ST7: variants seen among roughly 807,000 people sequenced by gnomAD.
ST7 encodes suppressor of tumorigenicity 7 protein.
A neutral mutation model predicts 78.7 loss-of-function variants in ST7; 28 were observed. That is an observed-to-expected ratio of 0.36 (90% confidence interval 0.26 to 0.49). The LOEUF is 0.49. Ranked by LOEUF, ST7 falls within the 20% of genes least tolerant of loss-of-function variation. The pLI is 0.99. For missense variants in ST7, 418 were observed against 696.0 expected (o/e 0.60, Z 4.49); for synonymous variants, 247 against 249.6 (o/e 0.99, Z 0.10).
At chr7:117,208,905 GT>G (rs1563170003) in intron 12 of ST7, among the ~76,000 whole-genome samples, 919 of 15,402 alleles carry the variant, frequency 0.06, 14 homozygotes, top group South Asian at 0.26. Context: ...ATGTGTGGGT[GT>G]GTGTGTGTGT....
chr7:116,995,095 C>T (rs1336662795), intron 1 of ST7, among the ~76,000 whole-genome samples: 1 of 152,174 alleles, frequency 6.6e-6, no homozygotes, highest in Non-Finnish European at 1.5e-5. Flanking sequence ...GCCCTTTCTA[C>T]ACCTTTATTA....
intron 1 of ST7, chr7:116,959,011 A>G (rs940617473): frequency 8.5e-6 from 3 of 354,220 alleles, no homozygotes; most frequent in African/African-American, 6.5e-5. Flanking sequence ...TTCCAGAGAA[A>G]GATTTCTCTG....
chr7:117,136,019 C>T (rs1804763070), intron 7 of ST7, 62 bp from the exon 8 acceptor site: 1 of 1,571,300 alleles, frequency 6.4e-7, no homozygotes, highest in African/African-American at 1.4e-5. Flanking sequence ...GCATGAGCTC[C>T]TACAGTCTAT....
intron 2 of ST7, among the ~76,000 whole-genome samples, chr7:117,114,640 G>A (rs896588000): frequency 1.6e-4 from 24 of 152,098 alleles, no homozygotes; most frequent in African/African-American, 5.8e-4. Flanking sequence ...TAATGGTGTT[G>A]GTGTGGAATT....
chr7:117,089,341 G>T (rs1311407200), intron 1 of ST7, among the ~76,000 whole-genome samples: 1 of 152,224 alleles, frequency 6.6e-6, no homozygotes, highest in Non-Finnish European at 1.5e-5. Flanking sequence ...GCCAAAGCTG[G>T]TCATGCGCCT....
intron 1 of ST7, among the ~76,000 whole-genome samples, chr7:117,037,783 G>C (rs1445631036): frequency 6.6e-6 from 1 of 152,118 alleles, no homozygotes; most frequent in Admixed American, 6.5e-5. Flanking sequence ...CTGACATTAT[G>C]GTTTAGCTCA....
rs1319820797 is a variant in ST7, at chr7:117,101,726, T to G, written c.234+1882T>G. Reference sequence around the variant, plus strand: ...TTAGAAGTAGAGTCCTTAGCATTTTTGGGTCTAATTATATTAAGCAGCCAA... The same window carrying G: ...TTAGAAGTAGAGTCCTTAGCATTTTGGGGTCTAATTATATTAAGCAGCCAA... On this transcript the variant is annotated intron_variant, in intron 2 of 15. Transcript: ENST00000323984. 3.3e-5 allele frequency among the ~76,000 whole-genome samples: 5 copies of G among 152,324 alleles called. No individual in the cohort carries two copies. In the East Asian group the frequency reaches 9.6e-4, roughly 29 times the overall value.
At chr7:117,095,284 A>G (rs1471809057) in intron 1 of ST7, among the ~76,000 whole-genome samples, 2 of 152,188 alleles carry the variant, frequency 1.3e-5, no homozygotes, top group Non-Finnish European at 2.9e-5. Flanking sequence ...GGGGCATGCC[A>G]CGTGATTCCT....
chr7:117,220,031 T>G (rs1792972745), intron 14 of ST7, among the ~76,000 whole-genome samples: 1 of 152,174 alleles, frequency 6.6e-6, no homozygotes. Flanking sequence ...CTCTGTCCTC[T>G]CTCCTGCCAT....
At chr7:117,179,761 G>A (rs1808610151) in intron 10 of ST7, among the ~76,000 whole-genome samples, 1 of 152,098 alleles carries the variant, frequency 6.6e-6, no homozygotes, top group African/African-American at 2.4e-5. Flanking sequence ...ATGGGCCCTG[G>A]AGAGGCCTGG....
Position 117,190,959 on chromosome 7 carries a change from G to T in ST7, c.1254+23G>T, listed in dbSNP as rs776290042. On this transcript the variant is annotated intron_variant, in intron 12 of 15. Transcript: ENST00000323984. This position sits in a 1 kb window ranked among gnomAD's most constrained non-coding sequence, Gnocchi z 5.2. The stretch of plus-strand genomic sequence containing the variant: ...AAAGTGAGTCTGTGGAATCCCCACA[G>T]GAACTCGTTATGATAGCAGAGAAAG... The T allele has an allele frequency of 6.4e-7, 1 of 1,573,266 alleles. No individual in the cohort carries two copies. Among genetic ancestry groups the T allele is most frequent in the African/African-American group, 1.3e-5 (1 of 74,114 alleles).
chr7:116,997,966 G>A (rs1196767970), intron 1 of ST7, among the ~76,000 whole-genome samples: 1 of 152,266 alleles, frequency 6.6e-6, no homozygotes, highest in Non-Finnish European at 1.5e-5. Flanking sequence ...TGCAGGTGGA[G>A]CTGCCTGCTA....
At chr7:116,959,543 G>A (rs767125542) in intron 1 of ST7, 11 of 261,208 alleles carry the variant, frequency 4.2e-5, no homozygotes, top group Non-Finnish European at 7.4e-5. Context: ...AGCTGGGATT[G>A]GAACAATACA....
At chr7:117,104,091 C>T (rs1237132463) in intron 2 of ST7, among the ~76,000 whole-genome samples, 5 of 152,134 alleles carry the variant, frequency 3.3e-5, no homozygotes, top group Non-Finnish European at 4.4e-5. Context: ...CTGCCTCGGC[C>T]TCCTGAGTAG....
rs1791968854 is a variant in ST7, at chr7:117,208,373, C to G, written c.1255-1414C>G. On this transcript the variant is annotated intron_variant, in intron 12 of 15. Transcript: ENST00000323984. ...TATGGCTTTCTATCCTACCTCCTCC[C>G]AAGTGTGACGACCGTTATCAGTGTC... 2.0e-5 allele frequency among the ~76,000 whole-genome samples: 3 copies of G among 152,124 alleles called. No individual in the cohort carries two copies. In the South Asian group the frequency reaches 6.2e-4, roughly 32 times the overall value.
intron 12 of ST7, among the ~76,000 whole-genome samples, chr7:117,208,902 GGTGTGTGTGTGTGT>G (rs58017025): frequency 2.1e-5 from 3 of 139,796 alleles, no homozygotes; most frequent in East Asian, 2.1e-4. Flanking sequence ...TGTATGTGTG[GGTGTGTGTGTGTGT>G]GTGTGTGTGT....
chr7:117,046,109 C>T (rs1290586217), intron 1 of ST7, among the ~76,000 whole-genome samples: 1 of 152,152 alleles, frequency 6.6e-6, no homozygotes. Flanking sequence ...TGAAAACCAG[C>T]TTCCCTGTAA....
At chr7:117,014,916 G>A in intron 1 of ST7, 1 of 1,205,142 alleles carries the variant, frequency 8.3e-7, no homozygotes, top group Non-Finnish European at 1.1e-6. Flanking sequence ...TCCCCAGAAC[G>A]GTTCGTCAGT....
At chr7:117,188,051 C>T (rs1339659180) in intron 10 of ST7, among the ~76,000 whole-genome samples, 3 of 152,032 alleles carry the variant, frequency 2.0e-5, no homozygotes, top group Admixed American at 1.3e-4. Context: ...GGTACAAAGA[C>T]CTGTTTTCCT....
Sources: allele counts gnomAD v4.1 joint callset (sites outside exome capture counted in the v4.1 genomes callset), GRCh38; gene constraint gnomAD v4.1.1; non-coding constraint Gnocchi (gnomAD v3.1); transcripts MANE v1.5; gene names NCBI Gene and HGNC (gene_info 2026-07-23, HGNC 2026-07-21).